Variants in FKBP2 observed in about 807,000 individuals in gnomAD.
FKBP2 encodes the protein FKBP prolyl isomerase 2, also known as peptidyl-prolyl cis-trans isomerase FKBP2.
Under a neutral mutation model 19.4 loss-of-function variants are expected in FKBP2, and 15 were observed. The observed-to-expected ratio is 0.77, with a 90% CI of 0.52 to 1.19. The LOEUF is 1.19. Ranked by LOEUF, FKBP2 falls within the 50% of genes most tolerant of loss-of-function variation. FKBP2 has a pLI of 0.00. For synonymous variants in FKBP2, 76 were observed against 74.8 expected (o/e 1.02, Z -0.08); for missense variants, 170 against 179.0 (o/e 0.95, Z 0.29).
chr11:64,244,058 C>A lies in FKBP2; in HGVS notation c.*29C>A. The stretch of plus-strand genomic sequence containing the variant: ...GACTGGGGAGGGGCAGGGGGAGAGG[C>A]CCCCATCAGGGACCAGACTGTTCCA... On this transcript the variant is annotated 3_prime_UTR_variant, in exon 6 of 6. Coordinates refer to ENST00000309366, the MANE Select transcript of FKBP2 (RefSeq NM_004470.4). 2 of 1,610,788 alleles carry A rather than the reference C, an allele frequency of 1.2e-6. No homozygotes were observed. Among genetic ancestry groups the A allele is most frequent in the Non-Finnish European group, 1.7e-6 (2 of 1,177,348 alleles).
At chr11:64,242,991 G>C (rs2135014593) in intron 2 of FKBP2, among the ~76,000 whole-genome samples, 1 of 152,330 alleles carries the variant, frequency 6.6e-6, no homozygotes, top group African/African-American at 2.4e-5. Flanking sequence ...AGAATTGCTT[G>C]AACCCGGGAG....
At position 64,243,974 on chromosome 11, in the gene FKBP2, C is replaced by A; in HGVS notation, c.374C>A (p.Ala125Glu). The A allele has an allele frequency of 6.2e-7, 1 of 1,614,106 alleles. No homozygotes were observed. Among genetic ancestry groups the A allele is most frequent in the East Asian group, 2.2e-5 (1 of 44,882 alleles). ...RGAPPKIPGGATLVFEVELLK... is the reference protein window; with the variant it reads ...RGAPPKIPGGETLVFEVELLK... ...CTCCCCTTCTCCCCTACAGGTGGTG[C>A]AACCCTGGTGTTCGAGGTGGAGCTG... Residue 125 changes from alanine (A) to glutamate (E), a missense_variant, in exon 6 of 6, where the codon GCA (alanine) becomes GAA (glutamate). Ala to Glu is a moderately radical substitution (Grantham distance 107, BLOSUM62 -1). Transcript: ENST00000309366.
rs138721497 is a variant in FKBP2 at position 64,242,414 on chromosome 11, G to C, written c.27G>C (p.Leu9=). The change falls in exon 2 of 6, where the codon CTG becomes CTC. Residue 9 remains leucine, a synonymous_variant. Transcript: ENST00000309366. The part of the protein sequence containing the change: MRLSWFRV[L]TVLSICLSAV... The stretch of plus-strand genomic sequence containing the variant: ...TGAGGCTGAGCTGGTTCCGGGTCCT[G>C]ACAGTACTGTCCATCTGCCTGAGCG... The C allele has an allele frequency of 1.2e-5, 19 of 1,554,738 alleles. No homozygotes were observed. The African/African-American group carries it at 2.7e-4, about 22-fold the overall frequency.
chr11:64,242,607 C>T (rs2135013605), intron 2 of FKBP2, 49 bp downstream of exon 2: 2 of 1,511,418 alleles, frequency 1.3e-6, no homozygotes, highest in East Asian at 5.1e-5. Flanking sequence ...CTTCCGAGGA[C>T]CAGAGAGTGC....
chr11:64,243,350 C>A (rs778825612), intron 3 of FKBP2, 39 bp downstream of exon 3: 1 of 1,596,346 alleles, frequency 6.3e-7, no homozygotes, highest in East Asian at 2.2e-5. Context: ...TGGGGGCGTG[C>A]ATGGCCACCG....
In FKBP2 at chr11:64,243,102, G is replaced by A. The variant is rs1438062436; in HGVS notation, c.172-97G>A. ...AAAGGACTGACCACCAGGGCTGTGGGTGGGCGTGGGGGGGCAGCTTGATGG... is the reference window on the plus strand; with the variant it reads ...AAAGGACTGACCACCAGGGCTGTGGATGGGCGTGGGGGGGCAGCTTGATGG... On this transcript the variant is annotated intron_variant, in intron 2 of 5. Coordinates refer to ENST00000309366, the MANE Select transcript of FKBP2 (RefSeq NM_004470.4). 2.8e-5 allele frequency: 30 copies of A among 1,068,578 alleles called. No homozygotes were observed. In the Admixed American group the frequency reaches 5.1e-4, roughly 18 times the overall value. The allele number at this position is 1,068,578 out of a possible 1,614,324, so 66.2% of individuals were successfully genotyped here. A position where few individuals can be genotyped will look rare whatever the true frequency, so the allele number is the denominator to read the frequency against.
chr11:64,243,084 TG>T, intron 2 of FKBP2, 114 bp from the exon 3 acceptor site: 1 of 886,966 alleles, frequency 1.1e-6, no homozygotes, highest in East Asian at 2.5e-5. Flanking sequence ...CAAAAAGGAC[TG>T]ACCACCAGGG....
chr11:64,243,552 G>A, intron 4 of FKBP2, 55 bp downstream of exon 4: 2 of 1,594,650 alleles, frequency 1.3e-6, no homozygotes, highest in Admixed American at 1.7e-5. Context: ...GACTGGGAAG[G>A]GTGAAAGCTG....
intron 1 of FKBP2, 68 bp from the exon 2 acceptor site, chr11:64,242,316 T>C: frequency 1.4e-6 from 2 of 1,391,726 alleles, no homozygotes; most frequent in Non-Finnish European, 1.9e-6. Context: ...TCCTGTTACC[T>C]ACCCGTGTTC....
chr11:64,244,105 A>C lies in FKBP2; in HGVS notation c.*76A>C, dbSNP rs2030751599. 1.3e-6 allele frequency: 2 copies of C among 1,529,472 alleles called. No homozygotes were observed. The highest frequency in any genetic ancestry group is 1.8e-6 in the Non-Finnish European group (2 of 1,116,524). The allele number at this position is 1,529,472 out of a possible 1,614,324, so 94.7% of individuals were successfully genotyped here. ...TCCAAAAAAAAAACAAAAAACAAAA[A>C]CAAACAAAAAAACACTTAAAAGCCC... On this transcript the variant is annotated 3_prime_UTR_variant, in exon 6 of 6. Coordinates refer to ENST00000309366, the MANE Select transcript of FKBP2 (RefSeq NM_004470.4).
Position 64,244,011 on chromosome 11 carries a change from G to C in FKBP2, c.411G>C (p.Glu137Asp). 1 of 1,613,960 alleles carries C rather than the reference G, an allele frequency of 6.2e-7. No homozygotes were observed. Among genetic ancestry groups the C allele is most frequent in the South Asian group, 1.1e-5 (1 of 91,076 alleles). ...LVFEVELLKI[E>D]RRTEL ...TCGAGGTGGAGCTGCTCAAAATAGA[G>C]CGACGAACTGAGCTGTAACCAGACT... The change falls in exon 6 of 6, where the codon GAG becomes GAC. Residue 137 changes from glutamate to aspartate, a missense_variant. By Grantham distance (45) the Glu-to-Asp change is conservative. Coordinates refer to ENST00000309366, the MANE Select transcript of FKBP2 (RefSeq NM_004470.4).
chr11:64,242,614 G>C, intron 2 of FKBP2, 56 bp downstream of exon 2: 1 of 1,494,912 alleles, frequency 6.7e-7, no homozygotes, highest in African/African-American at 1.5e-5. Flanking sequence ...GGACCAGAGA[G>C]TGCTTGGGAG....
At chr11:64,244,133 G>A (rs2030756382), downstream of FKBP2, 2 of 1,276,152 alleles carry the variant, frequency 1.6e-6, no homozygotes, top group African/African-American at 1.8e-5. Context: ...AAAAGCCCAA[G>A]GAGTAAGCCT....
In FKBP2 at chr11:64,243,569, C is replaced by G. The variant is rs1349005490; in HGVS notation, c.331+72C>G. The stretch of plus-strand genomic sequence containing the variant: ...CTGGGAAGGGTGAAAGCTGCTTCAG[C>G]TTTTCATTGGTCTTCACCGTATCCA... On this transcript the variant is annotated intron_variant, in intron 4 of 5. Coordinates refer to ENST00000309366, the MANE Select transcript of FKBP2 (RefSeq NM_004470.4). 42 of 1,567,012 alleles carry G rather than the reference C, an allele frequency of 2.7e-5. No individual in the cohort carries two copies. In the South Asian group the frequency reaches 4.3e-4, roughly 16 times the overall value.
intron 4 of FKBP2, 148 bp downstream of exon 4, chr11:64,243,645 A>G: frequency 8.3e-7 from 1 of 1,198,762 alleles, no homozygotes; most frequent in Non-Finnish European, 1.2e-6. Context: ...AGCAGTGAGT[A>G]CAGGGCAAGA....
rs2030750217 is a variant in FKBP2 at position 64,244,093 on chromosome 11, CAAAAAACAAA to C, written c.*67_*76del. The C allele has an allele frequency of 4.6e-6, 7 of 1,524,376 alleles. No individual in the cohort carries two copies. The Admixed American group carries it at 1.3e-4, about 28-fold the overall frequency. 94.4% of individuals were successfully genotyped at this position (1,524,376 alleles called of 1,614,324 possible). On this transcript the variant is annotated 3_prime_UTR_variant, in exon 6 of 6. Coordinates refer to ENST00000309366, the MANE Select transcript of FKBP2 (RefSeq NM_004470.4). ...GGACCAGACTGTTCCAAAAAAAAAA[CAAAAAACAAA>C]AACAAACAAAAAAACACTTAAAAGC...
In FKBP2 at chr11:64,242,632, C is replaced by G. The variant is rs2030598821; in HGVS notation, c.171+74C>G. On this transcript the variant is annotated intron_variant, in intron 2 of 5. Transcript: ENST00000309366. The stretch of plus-strand genomic sequence containing the variant: ...CCAGAGAGTGCTTGGGAGTCTGGTT[C>G]TCCATAAGCCAGGTAGGTGACCTTG... 8 of 1,453,632 alleles carry G rather than the reference C, an allele frequency of 5.5e-6. No homozygotes were observed. In the Admixed American group the frequency reaches 1.9e-4, roughly 34 times the overall value. The allele number at this position is 1,453,632 out of a possible 1,614,324, so 90.0% of individuals were successfully genotyped here. A position where few individuals can be genotyped will look rare whatever the true frequency, so the allele number is the denominator to read the frequency against.
chr11:64,241,959 T>G (rs1591085960), intron 1 of FKBP2: 2 of 156,008 alleles, frequency 1.3e-5, no homozygotes, highest in South Asian at 1.7e-4. Flanking sequence ...GCCGCAGAGG[T>G]GTTGGTGTGC....
rs1472733928 is a variant in FKBP2 at position 64,242,445 on chromosome 11, G to A, written c.58G>A (p.Ala20Thr). The part of the protein sequence containing the change: ...TVLSICLSAV[A>T]TATGAEGKRK... ...ACTGTCCATCTGCCTGAGCGCCGTGGCCACGGCCACGGGGGCCGAGGGCAA... is the reference window on the plus strand; with the variant it reads ...ACTGTCCATCTGCCTGAGCGCCGTGACCACGGCCACGGGGGCCGAGGGCAA... Residue 20 changes from alanine to threonine, a missense_variant, in exon 2 of 6, where the codon GCC (alanine) becomes ACC (threonine). Physicochemically the swap from Ala to Thr is moderately conservative, Grantham distance 58 (BLOSUM62 0). Transcript: ENST00000309366. 3 of 1,549,344 alleles carry A rather than the reference G, an allele frequency of 1.9e-6. No individual in the cohort carries two copies. The highest frequency in any genetic ancestry group is 2.5e-5 in the East Asian group (1 of 40,290).
Sources: allele counts gnomAD v4.1 joint callset (sites outside exome capture counted in the v4.1 genomes callset), GRCh38; gene constraint gnomAD v4.1.1; transcripts MANE v1.5; gene names NCBI Gene and HGNC (gene_info 2026-07-23, HGNC 2026-07-21).